The following IKBIP variants were observed in gnomAD, a reference collection of about 807,000 sequenced individuals.
The protein encoded by IKBIP is inhibitor of nuclear factor kappa-B kinase-interacting protein.
IKBIP carries 28 observed loss-of-function variants against 31.0 expected under a neutral mutation model. The observed-to-expected ratio is 0.90, with a 90% CI of 0.67 to 1.24. IKBIP has a LOEUF of 1.24. Among genes scored for constraint, IKBIP ranks in the 50% most tolerant of loss-of-function variants. The pLI is 0.00. For missense variants in IKBIP, 453 were observed against 441.9 expected, an observed-to-expected ratio of 1.03 and a Z score of -0.23; for synonymous variants, 164 against 160.3, an observed-to-expected ratio of 1.02 and a Z score of -0.17.
downstream of IKBIP, among the ~76,000 whole-genome samples, chr12:98,622,329 C>T (rs1250922398): frequency 6.6e-6 from 1 of 152,060 alleles, no homozygotes; most frequent in African/African-American, 2.4e-5. Context: ...AGTTTGAGAC[C>T]AGCCTGGGCA....
At chr12:98,619,490 A>G (rs2097608394), downstream of IKBIP, among the ~76,000 whole-genome samples, 2 of 152,254 alleles carry the variant, frequency 1.3e-5, no homozygotes, top group African/African-American at 4.8e-5. Context: ...TGAAAATATA[A>G]GCTCAATACA....
At position 98,624,626 on chromosome 12, in the gene IKBIP, T is replaced by C; in HGVS notation, c.*1304A>G. 2 of 876,474 alleles carry C rather than the reference T, an allele frequency of 2.3e-6. No individual in the cohort carries two copies. The highest frequency in any genetic ancestry group is 2.7e-6 in the Non-Finnish European group (2 of 730,666). The allele number at this position is 876,474 out of a possible 1,614,324, so 54.3% of individuals were successfully genotyped here. The stretch of plus-strand genomic sequence containing the variant: ...AAAGAAACAAGAACAAACTTCCATA[T>C]TGCAGTTGACTACATTATATAATTT... On this transcript the variant is annotated 3_prime_UTR_variant, in exon 3 of 3. Transcript: ENST00000299157.
At position 98,625,937 on chromosome 12, in the gene IKBIP, T is replaced by C; in HGVS notation, c.1127A>G (p.Asp376Gly). The C allele has an allele frequency of 7.2e-7, 1 of 1,391,202 alleles. No individual in the cohort carries two copies. The highest frequency in any genetic ancestry group is 9.5e-7 in the Non-Finnish European group (1 of 1,047,502). The allele number at this position is 1,391,202 out of a possible 1,614,324, so 86.2% of individuals were successfully genotyped here. A position where few individuals can be genotyped will look rare whatever the true frequency, so the allele number is the denominator to read the frequency against. ...AGAATAAATGTCATGAATTTAAAAA[T>C]CACCACCAATTCCTTTATTTTCTAT... is the stretch of plus-strand genomic sequence containing the variant. ...YNIENKGIGG[D>G]F The change falls in exon 3 of 3, where the codon GAT becomes GGT. Residue 376 changes from aspartate to glycine, a missense_variant. Asp to Gly is a moderately conservative substitution (Grantham distance 94). Coordinates refer to ENST00000299157, the MANE Select transcript of IKBIP (RefSeq NM_153687.4).
In IKBIP at chr12:98,640,303, G is replaced by A. The variant is rs368427642; in HGVS notation, c.179+4220C>T. On this transcript the variant is annotated intron_variant, in intron 1 of 2. Coordinates refer to ENST00000299157, the MANE Select transcript of IKBIP (RefSeq NM_153687.4). ...TACAAAATTAGCTGGGCGTGGTGGC[G>A]CACACCTGTAATCCCAGCTACTCGG... Among the ~76,000 whole-genome samples, 36 of 152,084 alleles carry A rather than the reference G, an allele frequency of 2.4e-4. No individual in the cohort carries two copies. The East Asian group carries it at 2.5e-3, about 11-fold the overall frequency.
chr12:98,635,621 G>C (rs1156387631), intron 1 of IKBIP, among the ~76,000 whole-genome samples: 1 of 152,224 alleles, frequency 6.6e-6, no homozygotes, highest in African/African-American at 2.4e-5. Context: ...ACAAGGCCAT[G>C]ATTGGGTAAT....
At position 98,626,513 on chromosome 12, in the gene IKBIP, A is replaced by G. The variant is rs1035453310; in HGVS notation, c.551T>C (p.Val184Ala). 5.6e-6 allele frequency: 9 copies of G among 1,613,456 alleles called. No homozygotes were observed. The highest frequency in any genetic ancestry group is 1.3e-5 in the African/African-American group (1 of 74,938). The change falls in exon 3 of 3, where the codon GTA becomes GCA. Residue 184 changes from valine (V) to alanine (A), a missense_variant. By Grantham distance (64) the Val-to-Ala change is moderately conservative (BLOSUM62 0). Transcript: ENST00000299157. Reference protein sequence around the residue: ...KSEAKHIHSQVTVQINSAEQE... With the variant: ...KSEAKHIHSQATVQINSAEQE... Reference sequence around the variant, plus strand: ...CTCAGCTGAGTTAATTTGGACAGTTACTTGAGAATGTATATGTTTTGCTTC... The same window carrying G: ...CTCAGCTGAGTTAATTTGGACAGTTGCTTGAGAATGTATATGTTTTGCTTC...
chr12:98,631,257 T>C (rs954748453), intron 2 of IKBIP, among the ~76,000 whole-genome samples: 2 of 149,914 alleles, frequency 1.3e-5, no homozygotes, highest in African/African-American at 4.9e-5. Context: ...TTTTGGATTC[T>C]ATAATGATAT....
chr12:98,635,001 G>A lies in IKBIP; in HGVS notation c.180-588C>T, dbSNP rs185167376. Among the ~76,000 whole-genome samples, 932 of 146,946 alleles carry A rather than the reference G, an allele frequency of 6.3e-3. 7 individuals are homozygous for A. Among genetic ancestry groups the A allele is most frequent in the African/African-American group, 0.021 (833 of 39,680 alleles). ...TGGGATTACAGGCGTGAGCCACCACGCCCGGTATTTTTTTTTTTTTTTAGA... is the reference window on the plus strand; with the variant it reads ...TGGGATTACAGGCGTGAGCCACCACACCCGGTATTTTTTTTTTTTTTTAGA... On this transcript the variant is annotated intron_variant, in intron 1 of 2. Coordinates refer to ENST00000299157, the MANE Select transcript of IKBIP (RefSeq NM_153687.4).
intron 1 of IKBIP, among the ~76,000 whole-genome samples, chr12:98,634,804 G>C (rs1195760920): frequency 6.6e-6 from 1 of 151,492 alleles, no homozygotes; most frequent in Non-Finnish European, 1.5e-5. Flanking sequence ...CCGCCTCCTG[G>C]GTTCACGCTA....
In IKBIP at chr12:98,634,259, T is replaced by C. The variant is rs768341157; in HGVS notation, c.297+37A>G. On this transcript the variant is annotated intron_variant, in intron 2 of 2. Coordinates refer to ENST00000299157, the MANE Select transcript of IKBIP (RefSeq NM_153687.4). ...GAGAAATGATAGTGGGGTAGTAAAA[T>C]GGGAAAACCGTCCCAGATAAGCCAA... 5.8e-5 allele frequency: 59 copies of C among 1,014,898 alleles called. 1 individual carries two copies. In the South Asian group the frequency reaches 7.5e-4, roughly 13 times the overall value. 62.9% of individuals were successfully genotyped at this position (1,014,898 alleles called of 1,614,324 possible).
intron 2 of IKBIP, among the ~76,000 whole-genome samples, chr12:98,616,097 C>A (rs956474305): frequency 6.6e-6 from 1 of 151,654 alleles, no homozygotes; most frequent in African/African-American, 2.4e-5. Flanking sequence ...AATGGCTATA[C>A]TTTCCCACTC....
chr12:98,613,821 T>C (rs768643253), exon 3 of IKBIP: 9 of 1,610,344 alleles, frequency 5.6e-6, no homozygotes, highest in Non-Finnish European at 4.2e-6. Context: ...AAAGTCACTG[T>C]CTTCAGAACT....
At chr12:98,626,891 A>C (rs181528105) in intron 2 of IKBIP, 125 bp from the exon 3 acceptor site, 191 of 675,368 alleles carry the variant, frequency 2.8e-4, no homozygotes, top group Non-Finnish European at 2.5e-4. Context: ...TAAAATATCC[A>C]AGTATATCAG....
exon 3 of IKBIP, chr12:98,614,116 A>C (rs1318806275): frequency 6.2e-7 from 1 of 1,613,386 alleles, no homozygotes; most frequent in Admixed American, 1.7e-5. Flanking sequence ...CTGTTTTTAC[A>C]CTTGTAATCT....
intron 2 of IKBIP, among the ~76,000 whole-genome samples, chr12:98,633,133 T>C (rs1378509370): frequency 6.6e-6 from 1 of 152,168 alleles, no homozygotes; most frequent in Non-Finnish European, 1.5e-5. Context: ...TCTCTATTTT[T>C]ACAACATCCT....
At chr12:98,614,088 C>G in exon 3 of IKBIP, 1 of 1,612,934 alleles carries the variant, frequency 6.2e-7, no homozygotes, top group South Asian at 1.1e-5. Context: ...GTTACTAAAC[C>G]TGAAATCCGT....
chr12:98,622,557 G>A (rs898556755), downstream of IKBIP, among the ~76,000 whole-genome samples: 1 of 151,926 alleles, frequency 6.6e-6, no homozygotes, highest in Non-Finnish European at 1.5e-5. Context: ...GAAATGAGCA[G>A]GTGCTAGGAA....
In IKBIP at chr12:98,625,768, TAAA is replaced by T; in HGVS notation, c.*159_*161del. On this transcript the variant is annotated 3_prime_UTR_variant, in exon 3 of 3. Transcript: ENST00000299157. ...TTACAATGAAGTAAGTTTTAGTGCT[TAAA>T]AAGATAAGCTTTGATTATGTGGATA... 1 of 481,152 alleles carries T rather than the reference TAAA, an allele frequency of 2.1e-6. No homozygotes were observed. 29.8% of individuals were successfully genotyped at this position (481,152 alleles called of 1,614,324 possible). A position where few individuals can be genotyped will look rare whatever the true frequency, so the allele number is the denominator to read the frequency against.
chr12:98,614,178 T>C (rs1445947571), exon 3 of IKBIP: 1 of 1,613,894 alleles, frequency 6.2e-7, no homozygotes, highest in Non-Finnish European at 8.5e-7. Flanking sequence ...ACTTTTGTAA[T>C]GTCTTGAGAA....
Sources: gnomAD v4.1 joint callset for allele counts (sites outside exome capture counted in the v4.1 genomes callset) on GRCh38, gnomAD v4.1.1 for gene constraint, MANE v1.5 for transcripts, NCBI Gene and HGNC (gene_info 2026-07-23, HGNC 2026-07-21) for gene names.